Variants in PTPN21 observed in about 807,000 individuals in gnomAD.
PTPN21 encodes the protein protein tyrosine phosphatase non-receptor type 21.
Under a neutral mutation model 131.8 loss-of-function variants are expected in PTPN21, and 77 were observed. The observed-to-expected ratio is 0.58, with a 90% CI of 0.49 to 0.71. The LOEUF (loss-of-function observed/expected upper bound fraction) is 0.71, where lower values mean the gene tolerates loss of function less well. Ranked by LOEUF, PTPN21 falls within the 30% of genes least tolerant of loss-of-function variation. The probability of loss-of-function intolerance (pLI) is 0.00; values close to 1 mark genes in which losing one functional copy is unlikely to be tolerated. For synonymous variants in PTPN21, 715 were observed against 621.3 expected, an observed-to-expected ratio of 1.15 and a Z score of -2.24; for missense variants, 1,552 against 1,527.1, an observed-to-expected ratio of 1.02 and a Z score of -0.27.
In PTPN21 at chr14:88,507,917, A is replaced by G. The variant is rs1408134535; in HGVS notation, c.448+6T>C. 9 of 1,549,450 alleles carry G rather than the reference A, an allele frequency of 5.8e-6. No homozygotes were observed. The South Asian group carries it at 9.3e-5, about 16-fold the overall frequency. ...AACCATTTCATTATGAATTGATCTTATTTACCTTGAACAGCTAAGCCTGCT... is the reference window on the plus strand; with the variant it reads ...AACCATTTCATTATGAATTGATCTTGTTTACCTTGAACAGCTAAGCCTGCT... On this transcript the variant is annotated splice_donor_region_variant and intron_variant, in intron 4 of 18. Transcript: ENST00000556564.
rs548850986 is a variant in PTPN21 at position 88,468,127 on chromosome 14, T to C, written c.*10A>G. On this transcript the variant is annotated 3_prime_UTR_variant, in exon 19 of 19. Coordinates refer to ENST00000556564, the MANE Select transcript of PTPN21 (RefSeq NM_007039.4). ...TTCACATGACTGGCCCCGTAAGAAA[T>C]TGTGGGAGCTTAGATGAGCCTGGAG... The C allele has an allele frequency of 6.6e-5, 106 of 1,613,702 alleles. No homozygotes were observed. In the South Asian group the frequency reaches 8.2e-4, roughly 13 times the overall value.
chr14:88,483,593 T>C (rs575695836), intron 12 of PTPN21, among the ~76,000 whole-genome samples: 46 of 152,234 alleles, frequency 3.0e-4, no homozygotes, highest in African/African-American at 1.1e-3. Flanking sequence ...TCCCTACCAG[T>C]TCCTTACCCG....
At chr14:88,484,882 G>A (rs200836737) in intron 12 of PTPN21, among the ~76,000 whole-genome samples, 194 bp downstream of exon 12, 2 of 132,640 alleles carry the variant, frequency 1.5e-5, no homozygotes, top group African/African-American at 5.7e-5. Context: ...TTGAGACTCT[G>A]TCTCCAAAAA....
intron 2 of PTPN21, among the ~76,000 whole-genome samples, chr14:88,518,255 A>AATATATATAT (rs1555388146): frequency 2.3e-3 from 42 of 18,662 alleles, no homozygotes; most frequent in African/African-American, 9.1e-3. Context: ...AAAAAAAAAA[A>AATATATATAT]ATATATATAT....
chr14:88,528,987 G>A (rs1182544659), intron 2 of PTPN21, among the ~76,000 whole-genome samples: 3 of 152,104 alleles, frequency 2.0e-5, no homozygotes, highest in Non-Finnish European at 2.9e-5. Flanking sequence ...TTGTCTGATT[G>A]CTCTGGATAG....
At chr14:88,494,799 G>T (rs113592921) in intron 10 of PTPN21, among the ~76,000 whole-genome samples, 5,594 of 151,672 alleles carry the variant, frequency 0.037, 344 homozygotes, top group African/African-American at 0.13. Context: ...GGATCACGAG[G>T]TCAGGAGATC....
At chr14:88,507,801 T>TCA in intron 4 of PTPN21, 122 bp downstream of exon 4, 1 of 536,582 alleles carries the variant, frequency 1.9e-6, no homozygotes, top group Non-Finnish European at 3.1e-6. Flanking sequence ...ACAGAATATT[T>TCA]CACTAATATA....
chr14:88,552,011 G>A (rs2078876434), intron 1 of PTPN21: 1 of 152,322 alleles, frequency 6.6e-6, no homozygotes, highest in Admixed American at 6.5e-5. Context: ...ATTGCCTGTT[G>A]GGGATGAATC....
Position 88,469,099 on chromosome 14 carries a change from A to G in PTPN21, c.3236-23T>C. The G allele has an allele frequency of 6.3e-7, 1 of 1,599,332 alleles. No individual in the cohort carries two copies. Among genetic ancestry groups the G allele is most frequent in the South Asian group, 1.1e-5 (1 of 89,934 alleles). The stretch of plus-strand genomic sequence containing the variant: ...ATGCTGTGGAAAATCAATGAAATAG[A>G]AAAGTACTCAAGGATCAAGGCGTAT... On this transcript the variant is annotated intron_variant, in intron 17 of 18. Transcript: ENST00000556564. This position sits in a 1 kb window ranked among gnomAD's most constrained non-coding sequence, Gnocchi z 4.3.
At chr14:88,514,469 CTTT>C (rs555587081) in intron 3 of PTPN21, among the ~76,000 whole-genome samples, 2 of 140,758 alleles carry the variant, frequency 1.4e-5, no homozygotes. Context: ...TTTCTTTTTT[CTTT>C]TTTTTTTTTG....
intron 7 of PTPN21, 44 bp downstream of exon 7, chr14:88,501,237 G>C (rs371498612): frequency 2.7e-6 from 4 of 1,487,524 alleles, no homozygotes; most frequent in Non-Finnish European, 3.8e-6. Context: ...TCTCAAATTT[G>C]TAAGCCTAAC....
chr14:88,473,729 A>G lies in PTPN21; in HGVS notation c.2585T>C (p.Leu862Pro). 6.2e-7 allele frequency: 1 copy of G among 1,611,974 alleles called. No homozygotes were observed. The highest frequency in any genetic ancestry group is 8.5e-7 in the Non-Finnish European group (1 of 1,179,650). ...LKLAALNGLS[L>P]SRVPLPDEGK... ...TTCATCAGGCAGAGGCACTCGAGAT[A>G]GGGAGAGTCCATTTAGGGCAGCCAG... The change falls in exon 14 of 19, where the codon CTA (leucine) becomes CCA (proline). Residue 862 changes from leucine to proline, a missense_variant. Coordinates refer to ENST00000556564, the MANE Select transcript of PTPN21 (RefSeq NM_007039.4).
At chr14:88,508,100 G>A (rs1032594322) in intron 3 of PTPN21, 80 bp from the exon 4 acceptor site, 10 of 743,404 alleles carry the variant, frequency 1.3e-5, no homozygotes, top group Admixed American at 2.7e-5. Context: ...TAATTTGGTA[G>A]AGAAGCATAA....
chr14:88,493,531 C>G (rs545686323), intron 10 of PTPN21, among the ~76,000 whole-genome samples: 38 of 152,284 alleles, frequency 2.5e-4, no homozygotes, highest in Admixed American at 7.8e-4. Flanking sequence ...TAATCCTGTA[C>G]CCAGGACGGG....
intron 2 of PTPN21, among the ~76,000 whole-genome samples, chr14:88,541,164 T>G (rs996901424): frequency 6.6e-6 from 1 of 152,200 alleles, no homozygotes; most frequent in Non-Finnish European, 1.5e-5. Flanking sequence ...AAACCCTTGA[T>G]AGGAAGTTAT....
chr14:88,537,369 T>G (rs986182428), intron 2 of PTPN21, among the ~76,000 whole-genome samples: 1 of 152,188 alleles, frequency 6.6e-6, no homozygotes, highest in Non-Finnish European at 1.5e-5. Flanking sequence ...CTATTTACTA[T>G]CCTGGACAAT....
Position 88,522,637 on chromosome 14 carries a change from T to C in PTPN21, c.181-5376A>G, listed in dbSNP as rs183603846. Among the ~76,000 whole-genome samples, 571 of 152,214 alleles carry C rather than the reference T, an allele frequency of 3.8e-3. 2 individuals are homozygous for C. Among genetic ancestry groups the C allele is most frequent in the Non-Finnish European group, 4.5e-3 (303 of 68,020 alleles). ...CTGCCCCAATGTTCAAGTTCTATCT[T>C]AAGAAGTAGTGAAAGCTAGCCAAAA... On this transcript the variant is annotated intron_variant, in intron 2 of 18. Coordinates refer to ENST00000556564, the MANE Select transcript of PTPN21 (RefSeq NM_007039.4).
At chr14:88,492,871 C>A in intron 10 of PTPN21, 1 of 333,566 alleles carries the variant, frequency 3.0e-6, no homozygotes, top group Non-Finnish European at 5.9e-6. Context: ...GCACCGGGCA[C>A]CTTGCCAGAC....
chr14:88,516,416 A>C (rs1253820753), intron 3 of PTPN21, among the ~76,000 whole-genome samples: 1 of 152,190 alleles, frequency 6.6e-6, no homozygotes, highest in East Asian at 1.9e-4. Context: ...CAAAAGTAAC[A>C]TTAAATAGGG....
Sources: gnomAD v4.1 joint callset for allele counts (sites outside exome capture counted in the v4.1 genomes callset) on GRCh38, gnomAD v4.1.1 for gene constraint, Gnocchi (gnomAD v3.1) non-coding constraint, MANE v1.5 for transcripts, NCBI Gene and HGNC (gene_info 2026-07-23, HGNC 2026-07-21) for gene names.